Variants in FAF1 observed in about 807,000 individuals in gnomAD.
The protein encoded by FAF1 is FAS-associated factor 1.
A neutral mutation model predicts 92.5 loss-of-function variants in FAF1; 25 were observed. The ratio of observed to expected loss-of-function variants is 0.27; its 90% CI spans 0.20 to 0.38. The LOEUF (loss-of-function observed/expected upper bound fraction) is 0.38, where lower values mean the gene tolerates loss of function less well. FAF1 is among the 10% of genes least tolerant of loss of function. The pLI is 1.00. For missense variants in FAF1, 636 were observed against 793.3 expected (o/e 0.80, Z 2.38); for synonymous variants, 234 against 273.2 (o/e 0.86, Z 1.42).
rs546584905 is a variant in FAF1 at position 50,751,392 on chromosome 1, C to T, written c.368-6617G>A. Among the ~76,000 whole-genome samples the T allele has an allele frequency of 7.2e-5, 11 of 152,182 alleles. No individual in the cohort carries two copies. In the South Asian group the frequency reaches 2.1e-3, roughly 29 times the overall value. On this transcript the variant is annotated intron_variant, in intron 4 of 18. Coordinates refer to ENST00000396153, the MANE Select transcript of FAF1 (RefSeq NM_007051.3). ...CTTTGTGGCCCATGCTGGAGTGCAG[C>T]AGCATGATCTCGGCTTACTGTAACC...
chr1:50,957,902 C>G (rs1645282346), intron 1 of FAF1, among the ~76,000 whole-genome samples: 1 of 152,120 alleles, frequency 6.6e-6, no homozygotes, highest in Non-Finnish European at 1.5e-5. Flanking sequence ...CACGGTAAAA[C>G]TACACCTTGA....
At chr1:50,554,378 T>TAGAG (rs1459840745) in intron 13 of FAF1, among the ~76,000 whole-genome samples, 4 of 99,980 alleles carry the variant, frequency 4.0e-5, no homozygotes, top group Admixed American at 2.1e-4. Context: ...TATATATATA[T>TAGAG]ATATATATAT....
intron 4 of FAF1, among the ~76,000 whole-genome samples, chr1:50,776,769 T>G (rs1250387588): frequency 6.6e-6 from 1 of 152,176 alleles, no homozygotes; most frequent in Non-Finnish European, 1.5e-5. Flanking sequence ...GAAATATTTG[T>G]CATTAAACTA....
At chr1:50,447,860 C>T (rs965022293) in intron 18 of FAF1, among the ~76,000 whole-genome samples, 12 of 152,210 alleles carry the variant, frequency 7.9e-5, no homozygotes, top group African/African-American at 2.9e-4. Context: ...TTCCTCTGTG[C>T]TGACTGCCAA....
chr1:50,941,832 G>C (rs985459805), intron 1 of FAF1, among the ~76,000 whole-genome samples: 1 of 152,160 alleles, frequency 6.6e-6, no homozygotes, highest in African/African-American at 2.4e-5. Context: ...CAATGTCTTT[G>C]AAACCTAATT....
chr1:50,879,805 T>G (rs1302154991), intron 1 of FAF1, among the ~76,000 whole-genome samples: 1 of 152,190 alleles, frequency 6.6e-6, no homozygotes, highest in East Asian at 1.9e-4. Flanking sequence ...AATCTGTGTT[T>G]TAACAATTCC....
chr1:50,537,632 T>C (rs1648553888), intron 14 of FAF1, among the ~76,000 whole-genome samples: 1 of 152,204 alleles, frequency 6.6e-6, no homozygotes, highest in Admixed American at 6.6e-5. Flanking sequence ...AAATATTACA[T>C]TTTTATGAAA....
intron 2 of FAF1, among the ~76,000 whole-genome samples, chr1:50,843,004 T>C (rs990707382): frequency 1.3e-4 from 20 of 152,198 alleles, no homozygotes; most frequent in African/African-American, 3.6e-4. Flanking sequence ...AACATAATAT[T>C]TGAATTCATT....
At chr1:50,887,887 T>G (rs763533498) in intron 1 of FAF1, among the ~76,000 whole-genome samples, 1 of 152,226 alleles carries the variant, frequency 6.6e-6, no homozygotes, top group Admixed American at 6.5e-5. Flanking sequence ...ATATGAACTT[T>G]AAAGTAGTTT....
chr1:50,636,283 C>A (rs1158300607), intron 8 of FAF1, among the ~76,000 whole-genome samples: 2 of 151,620 alleles, frequency 1.3e-5, no homozygotes, highest in Admixed American at 6.6e-5. Flanking sequence ...ATTTCCATCA[C>A]TTCTCAAAAT....
At chr1:50,724,306 C>CACACATAT (rs764857214) in intron 6 of FAF1, among the ~76,000 whole-genome samples, 8 of 145,232 alleles carry the variant, frequency 5.5e-5, no homozygotes, top group Admixed American at 2.1e-4. Context: ...TACACACACA[C>CACACATAT]ACACACACAC....
chr1:50,640,874 G>A (rs914588218), intron 8 of FAF1, among the ~76,000 whole-genome samples: 4 of 113,918 alleles, frequency 3.5e-5, no homozygotes, highest in Non-Finnish European at 4.9e-5. Context: ...TCACTCTGTC[G>A]CCAGGCTGGA....
At chr1:50,447,371 C>T (rs1020752686) in intron 18 of FAF1, among the ~76,000 whole-genome samples, 5 of 152,010 alleles carry the variant, frequency 3.3e-5, no homozygotes, top group Non-Finnish European at 7.4e-5. Flanking sequence ...GTGATCCGCC[C>T]GCCTCGGCCT....
intron 1 of FAF1, among the ~76,000 whole-genome samples, chr1:50,933,195 T>C (rs962279495): frequency 2.0e-5 from 3 of 152,146 alleles, no homozygotes; most frequent in Non-Finnish European, 4.4e-5. Flanking sequence ...CAACTTGAAT[T>C]TCTCCTCAAA....
intron 1 of FAF1, among the ~76,000 whole-genome samples, chr1:50,886,521 C>G (rs1014979972): frequency 3.3e-5 from 5 of 152,052 alleles, no homozygotes; most frequent in African/African-American, 1.2e-4. Context: ...AATGCTATCC[C>G]TCCCCACTCC....
At chr1:50,869,802 G>A (rs1170950119) in intron 1 of FAF1, among the ~76,000 whole-genome samples, 1 of 151,908 alleles carries the variant, frequency 6.6e-6, no homozygotes, top group African/African-American at 2.4e-5. Context: ...TGGCTTATAA[G>A]TTCTATTCTC....
At chr1:50,733,655 T>C (rs949827604) in intron 6 of FAF1, among the ~76,000 whole-genome samples, 3 of 152,198 alleles carry the variant, frequency 2.0e-5, no homozygotes, top group Non-Finnish European at 4.4e-5. Flanking sequence ...TGGCAGGAAG[T>C]TGGGCTTGTA....
intron 17 of FAF1, among the ~76,000 whole-genome samples, chr1:50,485,887 T>A (rs1378365141): frequency 2.6e-5 from 4 of 151,594 alleles, no homozygotes; most frequent in African/African-American, 9.7e-5. Flanking sequence ...ACGGAGGAAG[T>A]GCCACATTTT....
chr1:50,691,365 C>T (rs1236562347), intron 7 of FAF1, among the ~76,000 whole-genome samples: 1 of 151,968 alleles, frequency 6.6e-6, no homozygotes, highest in African/African-American at 2.4e-5. Flanking sequence ...GCCTCAGCCT[C>T]CCCAGTAGCT....
Sources: allele counts gnomAD v4.1 joint callset (sites outside exome capture counted in the v4.1 genomes callset), GRCh38; gene constraint gnomAD v4.1.1; transcripts MANE v1.5; gene names NCBI Gene and HGNC (gene_info 2026-07-23, HGNC 2026-07-21).